Variants in ETNPPL observed in about 807,000 individuals in gnomAD.
The protein encoded by ETNPPL is alanine--glyoxylate aminotransferase 2-like 1.
In ETNPPL, 30 loss-of-function variants were observed where a neutral mutation model predicts 55.5. The observed-to-expected ratio is 0.54, with a 90% CI of 0.40 to 0.73. The LOEUF is 0.73. ETNPPL is among the 30% of genes least tolerant of loss of function. The pLI, the probability that ETNPPL is intolerant of heterozygous loss-of-function variation, is 0.00. For synonymous variants in ETNPPL, 202 were observed against 207.2 expected, an observed-to-expected ratio of 0.98 and a Z score of 0.21; for missense variants, 528 against 607.9, an observed-to-expected ratio of 0.87 and a Z score of 1.38.
intron 9 of ETNPPL, 68 bp downstream of exon 9, chr4:108,747,937 C>T: frequency 7.3e-7 from 1 of 1,368,998 alleles, no homozygotes; most frequent in East Asian, 2.4e-5. Context: ...ACCATGTTGC[C>T]CAGCCTATAA....
chr4:108,747,421 C>G (rs1298947437), intron 9 of ETNPPL, among the ~76,000 whole-genome samples: 1 of 149,376 alleles, frequency 6.7e-6, no homozygotes, highest in African/African-American at 2.4e-5. Flanking sequence ...AGTATAAAAG[C>G]CAGGAAAGAC....
chr4:108,757,589 C>T (rs1207214651), intron 3 of ETNPPL, among the ~76,000 whole-genome samples: 1 of 152,114 alleles, frequency 6.6e-6, no homozygotes, highest in African/African-American at 2.4e-5. Flanking sequence ...CCTGACCAAT[C>T]TAGCAATACC....
At chr4:108,755,654 T>C (rs1054560382) in intron 4 of ETNPPL, among the ~76,000 whole-genome samples, 19 of 152,100 alleles carry the variant, frequency 1.2e-4, no homozygotes, top group African/African-American at 4.1e-4. Context: ...CTGTCTCTAC[T>C]AAAAATACAA....
intron 8 of ETNPPL, among the ~76,000 whole-genome samples, chr4:108,748,577 G>A (rs1052872252): frequency 1.3e-5 from 2 of 152,082 alleles, no homozygotes; most frequent in African/African-American, 4.8e-5. Context: ...ACTTTTAGCT[G>A]TAACAAGTCG....
At chr4:108,753,775 A>AGAAG (rs1491339925) in intron 5 of ETNPPL, among the ~76,000 whole-genome samples, 1 of 136,316 alleles carries the variant, frequency 7.3e-6, no homozygotes, top group Non-Finnish European at 1.5e-5. Context: ...AAAGAAAGAA[A>AGAAG]GAAAGAAAGA....
chr4:108,760,874 G>C (rs1296275399), intron 1 of ETNPPL, among the ~76,000 whole-genome samples: 1 of 152,168 alleles, frequency 6.6e-6, no homozygotes, highest in African/African-American at 2.4e-5. Flanking sequence ...GCCCAAGGTA[G>C]ACATCTCTGT....
At chr4:108,744,200 G>T (rs1471299333) in intron 11 of ETNPPL, among the ~76,000 whole-genome samples, 2 of 151,962 alleles carry the variant, frequency 1.3e-5, no homozygotes, top group East Asian at 1.9e-4. Context: ...CACAGAAGTT[G>T]CAGTGAGCCG....
At chr4:108,748,397 A>G (rs1728726661) in intron 8 of ETNPPL, among the ~76,000 whole-genome samples, 1 of 152,206 alleles carries the variant, frequency 6.6e-6, no homozygotes, top group Non-Finnish European at 1.5e-5. Context: ...AAGGACTACC[A>G]GTGATTTTAT....
chr4:108,746,100 A>G (rs1413031391), intron 11 of ETNPPL, among the ~76,000 whole-genome samples: 2 of 152,226 alleles, frequency 1.3e-5, no homozygotes, highest in African/African-American at 4.8e-5. Context: ...CAATGCAGAC[A>G]TGCACTTTTA....
intron 11 of ETNPPL, among the ~76,000 whole-genome samples, chr4:108,746,021 A>C (rs1728474604): frequency 6.6e-6 from 1 of 151,844 alleles, no homozygotes; most frequent in Non-Finnish European, 1.5e-5. Flanking sequence ...TTTTTTTATT[A>C]GAAATGTTTC....
At position 108,753,973 on chromosome 4, in the gene ETNPPL, C is replaced by CTTTTTTT. The variant is rs1213568977; in HGVS notation, c.501+640_501+646dup. On this transcript the variant is annotated intron_variant, in intron 5 of 12. Transcript: ENST00000296486. ...TACAGAGCAATTTACTTTTTCTTTT[C>CTTTTTTT]TTTTTTTTTTTTTTTTTTGAGATGG... Among the ~76,000 whole-genome samples the CTTTTTTT allele has an allele frequency of 4.0e-4, 49 of 122,764 alleles. 1 individual carries two copies. The highest frequency in any genetic ancestry group is 0.01 in the Middle Eastern group (2 of 196). 80.5% of individuals were successfully genotyped at this position (122,764 alleles called of 152,430 possible).
chr4:108,752,919 T>TTCAATGATTTTCTTCACTTCATCTGCTTA lies in ETNPPL; in HGVS notation c.593_594insTAAGCAGATGAAGTGAAGAAAATCATTGA (p.Glu198AspfsTer6), dbSNP rs1728980172. On this transcript the variant is annotated stop_gained and frameshift_variant, in exon 6 of 13. Coordinates refer to ENST00000296486, the MANE Select transcript of ETNPPL (RefSeq NM_031279.4). LOFTEE classifies it high-confidence loss of function. ...CCTTCCTTCCACTGTTATGAGCATC[T>TTCAATGATTTTCTTCACTTCATCTGCTTA]TCAATGATTTTCTTCACTTCATCTG... 1 of 1,605,486 alleles carries TTCAATGATTTTCTTCACTTCATCTGCTTA rather than the reference T, an allele frequency of 6.2e-7. No homozygotes were observed. The highest frequency in any genetic ancestry group is 2.2e-5 in the East Asian group (1 of 44,796).
chr4:108,762,041 A>T (rs1235852444), intron 1 of ETNPPL, among the ~76,000 whole-genome samples: 1 of 152,208 alleles, frequency 6.6e-6, no homozygotes, highest in Non-Finnish European at 1.5e-5. Context: ...AACCACGCAC[A>T]AAACACTAAC....
intron 12 of ETNPPL, among the ~76,000 whole-genome samples, chr4:108,742,885 T>C (rs1728287681): frequency 6.6e-6 from 1 of 152,212 alleles, no homozygotes; most frequent in South Asian, 2.1e-4. Flanking sequence ...ACACTTCTTT[T>C]GTTTTGTTTT....
Position 108,746,399 on chromosome 4 carries a change from C to A in ETNPPL, c.1303G>T (p.Val435Phe), listed in dbSNP as rs1371418356. 5 of 1,611,710 alleles carry A rather than the reference C, an allele frequency of 3.1e-6. No homozygotes were observed. Among genetic ancestry groups the A allele is most frequent in the Non-Finnish European group, 8.5e-7 (1 of 1,179,154 alleles). Residue 435 changes from valine (V) to phenylalanine (F), a missense_variant and splice_region_variant, in exon 11 of 13, where the codon GTT (valine) becomes TTT (phenylalanine). Transcript: ENST00000296486. ...MVDQLDRILT[V>F]LEEAMGTKTE... is the part of the protein sequence containing the mutation. ...ACATCTTAAAGATCCATGGACCCAC[C>A]TGTTAGAATCCTATCAAGTTGGTCC...
At chr4:108,757,326 TG>T (rs1729259054) in intron 3 of ETNPPL, among the ~76,000 whole-genome samples, 1 of 152,246 alleles carries the variant, frequency 6.6e-6, no homozygotes, top group South Asian at 2.1e-4. Flanking sequence ...GGATTTTACT[TG>T]TATTTTTTCT....
chr4:108,762,678 G>A, intron 1 of ETNPPL, 165 bp downstream of exon 1: 1 of 827,272 alleles, frequency 1.2e-6, no homozygotes, highest in African/African-American at 1.7e-5. Context: ...CTGGGAGTCC[G>A]CGCGGCCCCT....
At chr4:108,757,867 C>T (rs191373503) in intron 3 of ETNPPL, among the ~76,000 whole-genome samples, 2 of 151,524 alleles carry the variant, frequency 1.3e-5, no homozygotes, top group Admixed American at 6.6e-5. Flanking sequence ...TTTGGGAAGC[C>T]GAGCCAGGCA....
intron 5 of ETNPPL, 86 bp downstream of exon 5, chr4:108,754,534 G>A: frequency 1.3e-6 from 1 of 761,914 alleles, no homozygotes. Context: ...CTCTTTCATG[G>A]TTCATCTAGA....
Sources: gnomAD v4.1 joint callset for allele counts (sites outside exome capture counted in the v4.1 genomes callset) on GRCh38, gnomAD v4.1.1 for gene constraint, MANE v1.5 for transcripts, NCBI Gene and HGNC (gene_info 2026-07-23, HGNC 2026-07-21) for gene names.